FLOT1: variants seen among roughly 807,000 people sequenced by gnomAD.
FLOT1 encodes flotillin 1, also known as flotillin-1.
A neutral mutation model predicts 58.4 loss-of-function variants in FLOT1; 40 were observed. The observed-to-expected ratio is 0.69, with a 90% CI of 0.53 to 0.89. FLOT1 has a LOEUF of 0.89. FLOT1 is among the 40% of genes least tolerant of loss of function. The pLI, the probability that FLOT1 is intolerant of heterozygous loss-of-function variation, is 0.00. For missense variants in FLOT1, 423 were observed against 540.8 expected, an observed-to-expected ratio of 0.78 and a Z score of 2.16; for synonymous variants, 178 against 204.2, an observed-to-expected ratio of 0.87 and a Z score of 1.09.
At chr6:30,729,349 G>A (rs1473719284) in intron 12 of FLOT1, among the ~76,000 whole-genome samples, 2 of 152,168 alleles carry the variant, frequency 1.3e-5, no homozygotes, top group African/African-American at 4.8e-5. Flanking sequence ...AAAGTGCTGG[G>A]ATTACAGGCG....
In FLOT1 at chr6:30,741,494, T is replaced by G; in HGVS notation, c.210+120A>C. On this transcript the variant is annotated intron_variant, in intron 4 of 12. Transcript: ENST00000376389. This position sits in a 1 kb window ranked among gnomAD's most constrained non-coding sequence, Gnocchi z 5.9. ...TTGGGGTGCCTGGAAAAGATGAGAC[T>G]AGCAGAGGAACTTCTCTGCAGGCAA... The G allele has an allele frequency of 8.1e-7, 1 of 1,237,020 alleles. No individual in the cohort carries two copies. Among genetic ancestry groups the G allele is most frequent in the Non-Finnish European group, 1.2e-6 (1 of 852,926 alleles). 76.6% of individuals were successfully genotyped at this position (1,237,020 alleles called of 1,614,324 possible).
Position 30,737,871 on chromosome 6 carries a change from C to A in FLOT1, c.723+2287G>T, listed in dbSNP as rs1014861178. The stretch of plus-strand genomic sequence containing the variant: ...TTCTGCCTCACCTCCATATTTATAG[C>A]CTCACCTCCAAAATGGTGTCTAGCA... On this transcript the variant is annotated intron_variant, in intron 8 of 12. Coordinates refer to ENST00000376389, the MANE Select transcript of FLOT1 (RefSeq NM_005803.4). The surrounding 1 kb of genome is among the most constrained non-coding windows in gnomAD (Gnocchi z 4.4). Among the ~76,000 whole-genome samples the A allele has an allele frequency of 6.6e-6, 1 of 152,196 alleles. No individual in the cohort carries two copies. The highest frequency in any genetic ancestry group is 2.4e-5 in the African/African-American group (1 of 41,458).
rs1777970154 is a variant in FLOT1 at position 30,741,424 on chromosome 6, T to C, written c.211-91A>G. 1 of 1,524,456 alleles carries C rather than the reference T, an allele frequency of 6.6e-7. No individual in the cohort carries two copies. Among genetic ancestry groups the C allele is most frequent in the Admixed American group, 1.7e-5 (1 of 57,368 alleles). 94.4% of individuals were successfully genotyped at this position (1,524,456 alleles called of 1,614,324 possible). A position where few individuals can be genotyped will look rare whatever the true frequency, so the allele number is the denominator to read the frequency against. On this transcript the variant is annotated intron_variant, in intron 4 of 12. Transcript: ENST00000376389. The surrounding 1 kb of genome is among the most constrained non-coding windows in gnomAD (Gnocchi z 5.9). ...AGAGAAGGGAGAGCCCTCTAAGAAATGCTTCTTCCATTTCAGGGAAAGAAA... is the reference window on the plus strand; with the variant it reads ...AGAGAAGGGAGAGCCCTCTAAGAAACGCTTCTTCCATTTCAGGGAAAGAAA...
chr6:30,730,389 CT>C (rs776564411), intron 11 of FLOT1, 38 bp downstream of exon 11: 1 of 1,539,664 alleles, frequency 6.5e-7, no homozygotes, highest in Non-Finnish European at 8.7e-7. Context: ...GTCCCTGGTT[CT>C]ATTTCCTCCT....
In FLOT1 at chr6:30,730,990, C is replaced by G; in HGVS notation, c.834G>C (p.Glu278Asp). 1 of 1,613,924 alleles carries G rather than the reference C, an allele frequency of 6.2e-7. No individual in the cohort carries two copies. The highest frequency in any genetic ancestry group is 8.5e-7 in the Non-Finnish European group (1 of 1,180,002). The change falls in exon 9 of 13, where the codon GAG (glutamate) becomes GAC (aspartate). Residue 278 changes from glutamate to aspartate, a missense_variant. Transcript: ENST00000376389. ...CTGGCTTCCGCACCCGGGCCTCCAG[C>G]TCCTTCTCCCGCCGGGCGATCTCCT... ...QEQEIARREK[E>D]LEARVRKPAE...
chr6:30,727,939 GT>G lies in FLOT1; in HGVS notation c.*176del. 1.5e-6 allele frequency: 1 copy of G among 666,662 alleles called. No individual in the cohort carries two copies. Among genetic ancestry groups the G allele is most frequent in the South Asian group, 1.7e-5 (1 of 59,428 alleles). The allele number at this position is 666,662 out of a possible 1,614,324, so 41.3% of individuals were successfully genotyped here. On this transcript the variant is annotated 3_prime_UTR_variant, in exon 13 of 13. Transcript: ENST00000376389. ...GAGTTGGCAATCATAGCAGTGTGAG[GT>G]TGGCAAGGGGAGCAACCCCCTTCAA... is the stretch of plus-strand genomic sequence containing the variant.
In FLOT1 at chr6:30,737,206, T is replaced by C. The variant is rs1281189169; in HGVS notation, c.723+2952A>G. Among the ~76,000 whole-genome samples the C allele has an allele frequency of 2.3e-5, 3 of 133,260 alleles. No homozygotes were observed. The highest frequency in any genetic ancestry group is 8.2e-5 in the Admixed American group (1 of 12,122). 87.4% of individuals were successfully genotyped at this position (133,260 alleles called of 152,430 possible). On this transcript the variant is annotated intron_variant, in intron 8 of 12. Coordinates refer to ENST00000376389, the MANE Select transcript of FLOT1 (RefSeq NM_005803.4). The surrounding 1 kb of genome is among the most constrained non-coding windows in gnomAD (Gnocchi z 4.4). ...ATGACTGACTGACTGACTGACTGTC[T>C]GTCGTCCGTCCGTCCGTCCGTCCGT...
In FLOT1 at chr6:30,731,388, G is replaced by A. The variant is rs552664801; in HGVS notation, c.724-288C>T. ...TAGTCCCAGCCACCCGGGAGGCTGA[G>A]GCAGGAGAATTGCTTGAACCTGGGA... On this transcript the variant is annotated intron_variant, in intron 8 of 12. Coordinates refer to ENST00000376389, the MANE Select transcript of FLOT1 (RefSeq NM_005803.4). Among the ~76,000 whole-genome samples the A allele has an allele frequency of 2.3e-4, 35 of 151,706 alleles. 1 individual carries two copies. The East Asian group carries it at 4.3e-3, about 19-fold the overall frequency.
chr6:30,740,584 A>C lies in FLOT1; in HGVS notation c.482T>G (p.Leu161Trp). The C allele has an allele frequency of 6.2e-7, 1 of 1,613,064 alleles. No individual in the cohort carries two copies. The highest frequency in any genetic ancestry group is 8.5e-7 in the Non-Finnish European group (1 of 1,180,030). Reference protein sequence around the residue: ...LKDIHDDQDYLHSLGKARTAQ... With the variant: ...LKDIHDDQDYWHSLGKARTAQ... Reference sequence around the variant, plus strand: ...TGTTCGAGCCTTCCCCAAAGAGTGCAAATAGTCCTGTGGGAGAGATGTAGA... The same window carrying C: ...TGTTCGAGCCTTCCCCAAAGAGTGCCAATAGTCCTGTGGGAGAGATGTAGA... The change falls in exon 7 of 13, where the codon TTG becomes TGG. Residue 161 changes from leucine to tryptophan, a missense_variant. Physicochemically the swap from Leu to Trp is moderately conservative, Grantham distance 61. Around this residue, in one of 6 missense-constraint regions of FLOT1, gnomAD observed 137 missense variants for 194.6 expected, o/e 0.70. Coordinates refer to ENST00000376389, the MANE Select transcript of FLOT1 (RefSeq NM_005803.4).
Position 30,741,299 on chromosome 6 carries a change from G to A in FLOT1, c.245C>T (p.Ala82Val), listed in dbSNP as rs1777960769. ...CCCCAGGAACATCTGACAGGCGGCC[G>A]CCAACATCTCCTTGTTCTGCCCCTG... is the stretch of plus-strand genomic sequence containing the variant. ...KIQGQNKEML[A>V]AACQMFLGKT... The change falls in exon 5 of 13, where the codon GCG (alanine) becomes GTG (valine). Residue 82 changes from alanine to valine, a missense_variant. Ala to Val is a moderately conservative substitution (Grantham distance 64). Coordinates refer to ENST00000376389, the MANE Select transcript of FLOT1 (RefSeq NM_005803.4). This position sits in a 1 kb window ranked among gnomAD's most constrained non-coding sequence, Gnocchi z 5.9. 4.3e-6 allele frequency: 7 copies of A among 1,613,052 alleles called. No individual in the cohort carries two copies. Among genetic ancestry groups the A allele is most frequent in the Non-Finnish European group, 5.9e-6 (7 of 1,180,024 alleles).
At chr6:30,736,654 C>A (rs544927816) in intron 8 of FLOT1, among the ~76,000 whole-genome samples, 1 of 150,444 alleles carries the variant, frequency 6.6e-6, no homozygotes, top group African/African-American at 2.4e-5. Context: ...AGTGCAGTGG[C>A]GCGATCTCGG....
At chr6:30,740,623 G>C in intron 6 of FLOT1, 32 bp from the exon 7 acceptor site, 1 of 1,612,992 alleles carries the variant, frequency 6.2e-7, no homozygotes, top group East Asian at 2.2e-5. Flanking sequence ...TAGTCCTTTG[G>C]AGGGCTTAAG....
At chr6:30,735,569 G>A (rs1183306052) in intron 8 of FLOT1, among the ~76,000 whole-genome samples, 1 of 146,676 alleles carries the variant, frequency 6.8e-6, no homozygotes, top group Non-Finnish European at 1.5e-5. Flanking sequence ...GGCAGAGGTT[G>A]CAGTGAGCCG....
rs772594386 is a variant in FLOT1 at position 30,730,017 on chromosome 6, C to T, written c.1254+5G>A. ...ATTCTCCTCAGCTCCAACCTGAGACCTCACCTGGGAGATGCTCACGCCTGT... is the reference window on the plus strand; with the variant it reads ...ATTCTCCTCAGCTCCAACCTGAGACTTCACCTGGGAGATGCTCACGCCTGT... On this transcript the variant is annotated splice_donor_5th_base_variant and intron_variant, in intron 12 of 12. Transcript: ENST00000376389. 1 of 1,612,880 alleles carries T rather than the reference C, an allele frequency of 6.2e-7. No individual in the cohort carries two copies. Among genetic ancestry groups the T allele is most frequent in the Non-Finnish European group, 8.5e-7 (1 of 1,179,936 alleles).
rs1341031097 is a variant in FLOT1 at position 30,741,072 on chromosome 6, C to A, written c.354+118G>T. 7.7e-6 allele frequency: 10 copies of A among 1,306,654 alleles called. No individual in the cohort carries two copies. The highest frequency in any genetic ancestry group is 8.5e-6 in the Non-Finnish European group (8 of 945,514). 80.9% of individuals were successfully genotyped at this position (1,306,654 alleles called of 1,614,324 possible). On this transcript the variant is annotated intron_variant, in intron 5 of 12. Coordinates refer to ENST00000376389, the MANE Select transcript of FLOT1 (RefSeq NM_005803.4). This position sits in a 1 kb window ranked among gnomAD's most constrained non-coding sequence, Gnocchi z 5.9. ...AAAGTGCTGGGATTACAGGCATGAA[C>A]CACCCTGCCCGGCCGGGATGTATGC...
At chr6:30,738,492 T>A (rs919696240) in intron 8 of FLOT1, among the ~76,000 whole-genome samples, 2 of 152,228 alleles carry the variant, frequency 1.3e-5, no homozygotes, top group Non-Finnish European at 2.9e-5. Flanking sequence ...CCATGAATGC[T>A]GAATTAGTTA....
At chr6:30,735,448 TAA>T (rs540194352) in intron 8 of FLOT1, among the ~76,000 whole-genome samples, 44 of 126,262 alleles carry the variant, frequency 3.5e-4, no homozygotes, top group Admixed American at 4.0e-4. Context: ...CCCTCTCTAC[TAA>T]AAAAAAAAAA....
At position 30,731,016 on chromosome 6, in the gene FLOT1, G is replaced by T; in HGVS notation, c.808C>A (p.Gln270Lys). ...ERAQQVAVQE[Q>K]EIARREKELE... ...TCCTTCTCCCGCCGGGCGATCTCCT[G>T]CTCCTGCACTGCCACCTGCTGGGCC... The change falls in exon 9 of 13, where the codon CAG (glutamine) becomes AAG (lysine). Residue 270 changes from glutamine to lysine, a missense_variant. Physicochemically the swap from Gln to Lys is moderately conservative, Grantham distance 53. This residue lies in a region of FLOT1 where 106 missense variants were observed against 88.4 expected (regional missense o/e 1.20). Transcript: ENST00000376389. 1 of 1,613,262 alleles carries T rather than the reference G, an allele frequency of 6.2e-7. No individual in the cohort carries two copies.
At chr6:30,733,756 G>GA (rs1554206975) in intron 8 of FLOT1, among the ~76,000 whole-genome samples, 2 of 133,206 alleles carry the variant, frequency 1.5e-5, no homozygotes, top group Non-Finnish European at 3.1e-5. Context: ...AAAAAAAAAA[G>GA]AAAAGAAAGC....
Sources: allele counts gnomAD v4.1 joint callset (sites outside exome capture counted in the v4.1 genomes callset), GRCh38; gene constraint gnomAD v4.1.1; regional missense constraint gnomAD v4.1.1; non-coding constraint Gnocchi (gnomAD v3.1); transcripts MANE v1.5; gene names NCBI Gene and HGNC (gene_info 2026-07-23, HGNC 2026-07-21).